COP1: variants seen among roughly 807,000 people sequenced by gnomAD.
COP1 encodes the protein E3 ubiquitin-protein ligase COP1.
A neutral mutation model predicts 101.3 loss-of-function variants in COP1; 24 were observed. That is an observed-to-expected ratio of 0.24 (90% CI 0.17 to 0.33). COP1 has a LOEUF of 0.33. Among genes scored for constraint, COP1 ranks in the 10% least tolerant of loss-of-function variants. The probability of loss-of-function intolerance (pLI) is 1.00; values close to 1 mark genes in which losing one functional copy is unlikely to be tolerated. For synonymous variants in COP1, 347 were observed against 341.9 expected (o/e 1.01, Z -0.17); for missense variants, 663 against 906.2 (o/e 0.73, Z 3.45).
intron 11 of COP1, among the ~76,000 whole-genome samples, chr1:176,067,856 C>T (rs1460994780): frequency 6.6e-6 from 1 of 152,166 alleles, no homozygotes; most frequent in African/African-American, 2.4e-5. Context: ...AAACGTTTAC[C>T]CCCAGACACT....
intron 13 of COP1, 22 bp from the exon 14 acceptor site, chr1:176,043,289 T>C (rs747973787): frequency 7.7e-6 from 11 of 1,422,086 alleles, no homozygotes; most frequent in African/African-American, 2.8e-5. Context: ...AAGAAGACAG[T>C]AGCCTCAGAT....
intron 15 of COP1, among the ~76,000 whole-genome samples, chr1:176,006,272 A>G (rs972090251): frequency 6.6e-6 from 1 of 152,140 alleles, no homozygotes; most frequent in African/African-American, 2.4e-5. Context: ...TCCTGAATAC[A>G]GCACACTGAT....
At chr1:176,005,108 C>G (rs1334528728) in intron 15 of COP1, among the ~76,000 whole-genome samples, 1 of 152,078 alleles carries the variant, frequency 6.6e-6, no homozygotes, top group African/African-American at 2.4e-5. Context: ...GGAATTTATC[C>G]TTTATTTCTA....
intron 11 of COP1, among the ~76,000 whole-genome samples, chr1:176,068,991 G>C (rs1211249106): frequency 6.6e-6 from 1 of 152,056 alleles, no homozygotes; most frequent in Non-Finnish European, 1.5e-5. Context: ...GTTTGAGACT[G>C]GCCTCGGCAA....
At chr1:176,005,514 C>A (rs1358839550) in intron 15 of COP1, among the ~76,000 whole-genome samples, 1 of 152,176 alleles carries the variant, frequency 6.6e-6, no homozygotes, top group African/African-American at 2.4e-5. Context: ...CCTCTACACA[C>A]TGCTTTGAAT....
At chr1:176,092,073 T>C (rs1409560945) in intron 9 of COP1, among the ~76,000 whole-genome samples, 1 of 152,162 alleles carries the variant, frequency 6.6e-6, no homozygotes, top group East Asian at 1.9e-4. Flanking sequence ...TTAACATTTT[T>C]CAGGCAGAAA....
At chr1:176,139,289 A>C (rs1194079178) in intron 6 of COP1, among the ~76,000 whole-genome samples, 3 of 88,370 alleles carry the variant, frequency 3.4e-5, no homozygotes, top group Admixed American at 2.4e-4. Context: ...CAAAAAAAAC[A>C]AAAAAAAAAA....
chr1:176,049,667 A>C (rs967200609), intron 11 of COP1, among the ~76,000 whole-genome samples: 1 of 152,106 alleles, frequency 6.6e-6, no homozygotes, highest in Non-Finnish European at 1.5e-5. Flanking sequence ...TTTGCTCCCT[A>C]TCTCTGACAT....
intron 6 of COP1, among the ~76,000 whole-genome samples, chr1:176,145,128 T>C (rs1334209219): frequency 6.6e-6 from 1 of 152,082 alleles, no homozygotes; most frequent in Non-Finnish European, 1.5e-5. Context: ...AAGATGTATA[T>C]CTAGAATATA....
chr1:176,069,598 G>A (rs964573537), intron 11 of COP1, among the ~76,000 whole-genome samples: 1 of 152,212 alleles, frequency 6.6e-6, no homozygotes, highest in Admixed American at 6.5e-5. Context: ...TCTTGCCAAA[G>A]ATGTGAACAC....
Position 176,206,604 on chromosome 1 carries a change from G to C in COP1, c.375C>G (p.Asn125Lys), listed in dbSNP as rs760918215. Residue 125 changes from asparagine to lysine, a missense_variant, in exon 1 of 20, where the codon AAC becomes AAG. Physicochemically the swap from Asn to Lys is moderately conservative, Grantham distance 94. Coordinates refer to ENST00000367669, the MANE Select transcript of COP1 (RefSeq NM_022457.7). Reference protein sequence around the residue: ...LLAPLCNGLINSYEDKSNDFV... With the variant: ...LLAPLCNGLIKSYEDKSNDFV... Reference sequence around the variant, plus strand: ...AGTCGTTGCTTTTGTCCTCGTAGGAGTTGATGAGCCCGTTGCAGAGGGGGG... The same window carrying C: ...AGTCGTTGCTTTTGTCCTCGTAGGACTTGATGAGCCCGTTGCAGAGGGGGG... 5.6e-6 allele frequency: 9 copies of C among 1,611,830 alleles called. No individual in the cohort carries two copies. Among genetic ancestry groups the C allele is most frequent in the Non-Finnish European group, 6.8e-6 (8 of 1,179,980 alleles).
At chr1:176,072,740 T>C (rs374175087) in intron 11 of COP1, among the ~76,000 whole-genome samples, 1 of 152,134 alleles carries the variant, frequency 6.6e-6, no homozygotes, top group Non-Finnish European at 1.5e-5. Flanking sequence ...CAATTATAAA[T>C]TGAAACTTAG....
intron 6 of COP1, among the ~76,000 whole-genome samples, chr1:176,148,358 A>C (rs1462572370): frequency 6.6e-6 from 1 of 152,074 alleles, no homozygotes; most frequent in African/African-American, 2.4e-5. Context: ...ACAATTCTTA[A>C]CATAAACATA....
At chr1:176,099,758 T>C (rs1683064802) in intron 9 of COP1, among the ~76,000 whole-genome samples, 1 of 152,150 alleles carries the variant, frequency 6.6e-6, no homozygotes, top group South Asian at 2.1e-4. Context: ...AAAAATGGCC[T>C]CATACCCTTG....
intron 15 of COP1, among the ~76,000 whole-genome samples, chr1:175,999,509 T>C (rs143657447): frequency 5.8e-4 from 89 of 152,204 alleles, no homozygotes; most frequent in African/African-American, 2.0e-3. Context: ...TTCATTCATC[T>C]GTTGATGGAT....
At chr1:175,949,167 T>TAAAAA (rs1649544277) in intron 18 of COP1, among the ~76,000 whole-genome samples, 1 of 3,638 alleles carries the variant, frequency 2.7e-4, no homozygotes. Flanking sequence ...AGGCTCCGTC[T>TAAAAA]CAAAAAAAAA....
intron 14 of COP1, among the ~76,000 whole-genome samples, chr1:176,030,405 C>A (rs1300365748): frequency 4.6e-5 from 7 of 152,076 alleles, no homozygotes; most frequent in African/African-American, 1.7e-4. Context: ...ACTTACTGTG[C>A]CCATAACCCC....
chr1:176,066,650 CT>C (rs1179053670), intron 11 of COP1, among the ~76,000 whole-genome samples: 5 of 152,152 alleles, frequency 3.3e-5, no homozygotes, highest in African/African-American at 1.2e-4. Flanking sequence ...AGTATGTTTC[CT>C]TTTAAAGACC....
At chr1:176,143,619 C>T (rs1466156965) in intron 6 of COP1, among the ~76,000 whole-genome samples, 1 of 151,924 alleles carries the variant, frequency 6.6e-6, no homozygotes, top group Non-Finnish European at 1.5e-5. Context: ...CAAACCAAAC[C>T]ATATAGAAGA....
Sources: gnomAD v4.1 joint callset for allele counts (sites outside exome capture counted in the v4.1 genomes callset) on GRCh38, gnomAD v4.1.1 for gene constraint, MANE v1.5 for transcripts, NCBI Gene and HGNC (gene_info 2026-07-23, HGNC 2026-07-21) for gene names.